NBPF11: variants seen among roughly 807,000 people sequenced by gnomAD.
NBPF11 encodes the protein NBPF family member NBPF11.
In NBPF11, 72 loss-of-function variants were observed where a neutral mutation model predicts 93.9. The ratio of observed to expected loss-of-function variants is 0.77; its 90% confidence interval spans 0.63 to 0.93. NBPF11 has a LOEUF of 0.93. NBPF11 is among the 40% of genes least tolerant of loss of function. NBPF11 has a pLI of 0.00. For synonymous variants in NBPF11, 224 were observed against 304.9 expected (o/e 0.73, Z 2.76); for missense variants, 705 against 802.2 (o/e 0.88, Z 1.46).
At chr1:148,120,300 CCT>C (rs1667529238) in intron 10 of NBPF11, among the ~76,000 whole-genome samples, 199 bp downstream of exon 10, 3 of 151,970 alleles carry the variant, frequency 2.0e-5, no homozygotes, top group African/African-American at 7.3e-5. Context: ...CCCACCCCCA[CCT>C]GATTGCAAAC....
In NBPF11 at chr1:148,103,862, G is replaced by T; in HGVS notation, c.*34C>A. On this transcript the variant is annotated 3_prime_UTR_variant, in exon 24 of 24. Coordinates refer to ENST00000682118, the MANE Select transcript of NBPF11 (RefSeq NM_001385469.3). Reference sequence around the variant, plus strand: ...TGGAGTCGAATAATATCTATCCAGTGAGTCCTGTAAGACTTCAGGCACTTC... The same window carrying T: ...TGGAGTCGAATAATATCTATCCAGTTAGTCCTGTAAGACTTCAGGCACTTC... 1.2e-6 allele frequency: 2 copies of T among 1,611,374 alleles called. No homozygotes were observed. Among genetic ancestry groups the T allele is most frequent in the Non-Finnish European group, 1.7e-6 (2 of 1,179,400 alleles).
rs1400613977 is a variant in NBPF11 at position 148,111,021 on chromosome 1, C to G, written c.1638-480G>C. 9.2e-5 allele frequency among the ~76,000 whole-genome samples: 14 copies of G among 151,482 alleles called. No homozygotes were observed. In the East Asian group the frequency reaches 2.5e-3, roughly 27 times the overall value. ...TGCAAAAATACTAGCCAACATACTA[C>G]CAACAAATGGGAAGAAAGCATATAT... On this transcript the variant is annotated intron_variant, in intron 15 of 23. Transcript: ENST00000682118.
Position 148,105,462 on chromosome 1 carries a change from T to G in NBPF11, c.2370A>C (p.Gln790His). The G allele has an allele frequency of 3.5e-6, 4 of 1,136,706 alleles. No homozygotes were observed. The highest frequency in any genetic ancestry group is 5.1e-6 in the Non-Finnish European group (4 of 783,542). The allele number at this position is 1,136,706 out of a possible 1,614,324, so 70.4% of individuals were successfully genotyped here. A position where few individuals can be genotyped will look rare whatever the true frequency, so the allele number is the denominator to read the frequency against. The change falls in exon 22 of 24, where the codon CAA (glutamine) becomes CAC (histidine). Residue 790 changes from glutamine to histidine, a missense_variant. Gln to His is a conservative substitution (Grantham distance 24). Around this residue, in one of 12 missense-constraint regions of NBPF11, gnomAD observed 109 missense variants for 83.3 expected, o/e 1.31. Transcript: ENST00000682118. Reference protein sequence around the residue: ...EVLQDSLDVIQLLPVVLNSLT... With the variant: ...EVLQDSLDVIHLLPVVLNSLT... ...GGCTGTTCAAGACAACTGGAAGGAG[T>G]TGAATAACATCCAGTGAGTCCTGCA...
chr1:148,144,721 C>T (rs1406061141), intron 1 of NBPF11, among the ~76,000 whole-genome samples: 1 of 151,672 alleles, frequency 6.6e-6, no homozygotes, highest in Non-Finnish European at 1.5e-5. Context: ...ACCTGTAATC[C>T]CAACACTTTG....
At chr1:148,136,333 A>G (rs1292716073) in intron 3 of NBPF11, among the ~76,000 whole-genome samples, 2 of 151,656 alleles carry the variant, frequency 1.3e-5, no homozygotes, top group African/African-American at 4.9e-5. Flanking sequence ...ATCTATCAAT[A>G]CAAGAATGGA....
chr1:148,149,579 C>A, intron 1 of NBPF11: 2 of 1,593,476 alleles, frequency 1.3e-6, no homozygotes, highest in Non-Finnish European at 1.7e-6. Flanking sequence ...GCGGCCCCAA[C>A]CAGCCGGACC....
intron 3 of NBPF11, among the ~76,000 whole-genome samples, chr1:148,137,341 C>A (rs1220983626): frequency 6.6e-6 from 1 of 151,186 alleles, no homozygotes; most frequent in Non-Finnish European, 1.5e-5. Context: ...TAGACTGTCT[C>A]CCCGCTGACA....
rs2149276595 is a variant in NBPF11, at chr1:148,135,808, C to T, written c.-172G>A. 3.0e-6 allele frequency: 2 copies of T among 662,514 alleles called. No individual in the cohort carries two copies. The highest frequency in any genetic ancestry group is 2.7e-5 in the East Asian group (1 of 37,032). 41.0% of individuals were successfully genotyped at this position (662,514 alleles called of 1,614,324 possible). A position where few individuals can be genotyped will look rare whatever the true frequency, so the allele number is the denominator to read the frequency against. On this transcript the variant is annotated 5_prime_UTR_variant, in exon 4 of 24. Coordinates refer to ENST00000682118, the MANE Select transcript of NBPF11 (RefSeq NM_001385469.3). ...TATTTTGTTTGACCATCCTTATCTT[C>T]AAGGGCTACCAAGAAGAAACAAATA... is the stretch of plus-strand genomic sequence containing the variant.
chr1:148,129,282 T>G (rs1373029590), intron 4 of NBPF11, among the ~76,000 whole-genome samples: 2 of 147,666 alleles, frequency 1.4e-5, no homozygotes, highest in African/African-American at 5.0e-5. Flanking sequence ...ATACATAATA[T>G]ACAATATATA....
At chr1:148,138,178 C>T (rs1205620126) in intron 2 of NBPF11, among the ~76,000 whole-genome samples, 3 of 150,316 alleles carry the variant, frequency 2.0e-5, no homozygotes, top group African/African-American at 5.0e-5. Context: ...CATCTCAATG[C>T]CTTAAAGAGC....
chr1:148,106,020 C>T (rs1204186955), intron 21 of NBPF11, among the ~76,000 whole-genome samples, 161 bp downstream of exon 21: 1 of 141,522 alleles, frequency 7.1e-6, no homozygotes. Context: ...GAAATGGAAA[C>T]CTAAATATCT....
intron 2 of NBPF11, among the ~76,000 whole-genome samples, chr1:148,143,011 G>A (rs1190476762): frequency 2.0e-3 from 308 of 152,248 alleles, no homozygotes; most frequent in African/African-American, 7.0e-3. Context: ...TGGGGGATGC[G>A]GGTGGACAGG....
At position 148,151,997 on chromosome 1, in the gene NBPF11, C is replaced by T. The variant is rs1176240393; in HGVS notation, c.-796G>A. 4 of 152,158 alleles carry T rather than the reference C, an allele frequency of 2.6e-5. No homozygotes were observed. Among genetic ancestry groups the T allele is most frequent in the Admixed American group, 1.3e-4 (2 of 15,272 alleles). 9.4% of individuals were successfully genotyped at this position (152,158 alleles called of 1,614,324 possible). On this transcript the variant is annotated 5_prime_UTR_variant, in exon 1 of 24. Transcript: ENST00000682118. ...CTGGCTCCTCAGGGTCCGGATGGGC[C>T]GTGTCAGGAGAGCCCAAGGCACAGG... is the stretch of plus-strand genomic sequence containing the variant.
chr1:148,149,429 C>G (rs1470845162), intron 1 of NBPF11: 13 of 1,582,270 alleles, frequency 8.2e-6, no homozygotes, highest in Non-Finnish European at 1.1e-5. Flanking sequence ...CGGGCTGGCG[C>G]TCTACGAGCG....
chr1:148,121,241 G>C (rs1378398546), intron 9 of NBPF11, among the ~76,000 whole-genome samples: 5 of 151,470 alleles, frequency 3.3e-5, no homozygotes, highest in African/African-American at 1.2e-4. Context: ...ATGGGGTTTC[G>C]CCATCTTGGA....
At chr1:148,140,921 T>C (rs1198025492) in intron 2 of NBPF11, among the ~76,000 whole-genome samples, 2 of 151,902 alleles carry the variant, frequency 1.3e-5, no homozygotes, top group Non-Finnish European at 2.9e-5. Flanking sequence ...TTTCACCAAG[T>C]GAATGAATAA....
intron 1 of NBPF11, chr1:148,146,990 G>A: frequency 9.6e-6 from 14 of 1,459,028 alleles, no homozygotes; most frequent in East Asian, 2.5e-5. Context: ...GGGCCGGGGG[G>A]CGGGCTTCCC....
intron 16 of NBPF11, 141 bp from the exon 17 acceptor site, chr1:148,109,476 G>T (rs1269042887): frequency 1.6e-5 from 12 of 727,398 alleles, no homozygotes; most frequent in Non-Finnish European, 2.9e-5. Context: ...TATTCCAGTA[G>T]GCCTGAGGTC....
intron 2 of NBPF11, among the ~76,000 whole-genome samples, chr1:148,140,414 T>A (rs1476470506): frequency 1.3e-5 from 2 of 151,150 alleles, no homozygotes; most frequent in Admixed American, 6.6e-5. Flanking sequence ...TGAAAAAAAA[T>A]TAAGTTGAGC....
Sources: allele counts gnomAD v4.1 joint callset (sites outside exome capture counted in the v4.1 genomes callset), GRCh38; gene constraint gnomAD v4.1.1; regional missense constraint gnomAD v4.1.1; transcripts MANE v1.5; gene names NCBI Gene and HGNC (gene_info 2026-07-23, HGNC 2026-07-21).